The following SPAG16 variants were observed in gnomAD, a reference collection of about 807,000 sequenced individuals.
SPAG16 encodes the protein sperm associated antigen 16, also known as sperm-associated antigen 16 protein.
In SPAG16, 86 loss-of-function variants were observed where a neutral mutation model predicts 80.4. The ratio of observed to expected loss-of-function variants is 1.07; its 90% confidence interval spans 0.90 to 1.28. SPAG16 has a LOEUF of 1.28. Ranked by LOEUF, SPAG16 falls within the 50% of genes most tolerant of loss-of-function variation. The pLI, the probability that SPAG16 is intolerant of heterozygous loss-of-function variation, is 0.00. For missense variants in SPAG16, 870 were observed against 765.3 expected, an observed-to-expected ratio of 1.14 and a Z score of -1.61; for synonymous variants, 294 against 265.9, an observed-to-expected ratio of 1.11 and a Z score of -1.03.
intron 15 of SPAG16, among the ~76,000 whole-genome samples, chr2:214,406,651 T>C (rs1338274275): frequency 6.6e-6 from 1 of 152,144 alleles, no homozygotes; most frequent in Admixed American, 6.5e-5. Flanking sequence ...TGGAACTAAC[T>C]TTGAAAGACC....
intron 9 of SPAG16, among the ~76,000 whole-genome samples, chr2:213,427,564 A>G (rs2070014967): frequency 6.6e-6 from 1 of 152,134 alleles, no homozygotes; most frequent in African/African-American, 2.4e-5. Flanking sequence ...AATACATCTC[A>G]ATAAGAAAGT....
chr2:213,985,799 C>T (rs2045970003), intron 12 of SPAG16, among the ~76,000 whole-genome samples: 1 of 151,964 alleles, frequency 6.6e-6, no homozygotes, highest in Admixed American at 6.6e-5. Flanking sequence ...AATAGAAAGA[C>T]AGACAAGGAA....
At chr2:213,552,839 G>A (rs2076825503) in intron 10 of SPAG16, among the ~76,000 whole-genome samples, 1 of 152,138 alleles carries the variant, frequency 6.6e-6, no homozygotes. Context: ...GACTAGACTG[G>A]CTAAGTCTTC....
intron 12 of SPAG16, among the ~76,000 whole-genome samples, chr2:213,946,373 AGAG>A (rs2079471251): frequency 3.4e-4 from 51 of 152,134 alleles, no homozygotes; most frequent in African/African-American, 9.4e-4. Flanking sequence ...TCGGCCTCCC[AGAG>A]TGCTGGGATT....
intron 15 of SPAG16, among the ~76,000 whole-genome samples, chr2:214,214,093 TTCTA>T (rs2058366553): frequency 6.6e-6 from 1 of 152,132 alleles, no homozygotes; most frequent in South Asian, 2.1e-4. Flanking sequence ...TATTTTTTTA[TTCTA>T]TGGAAACAAT....
At chr2:213,599,868 AT>A (rs1385684222) in intron 10 of SPAG16, among the ~76,000 whole-genome samples, 3 of 151,970 alleles carry the variant, frequency 2.0e-5, no homozygotes, top group Admixed American at 6.6e-5. Flanking sequence ...TGACCGGCTA[AT>A]TTTTGTATTT....
chr2:213,424,364 T>C (rs1294341987), intron 9 of SPAG16, among the ~76,000 whole-genome samples: 2 of 152,168 alleles, frequency 1.3e-5, no homozygotes, highest in Non-Finnish European at 2.9e-5. Flanking sequence ...ATTATAGAGA[T>C]TTGAATATAT....
intron 15 of SPAG16, among the ~76,000 whole-genome samples, chr2:214,203,944 G>A (rs1244239880): frequency 6.6e-6 from 1 of 152,180 alleles, no homozygotes; most frequent in Non-Finnish European, 1.5e-5. Flanking sequence ...CAAGTTCTCA[G>A]CTCTGCCTAC....
At chr2:213,419,120 C>A (rs1174910951) in intron 9 of SPAG16, among the ~76,000 whole-genome samples, 1 of 99,196 alleles carries the variant, frequency 1.0e-5, no homozygotes, top group Non-Finnish European at 2.6e-5. Context: ...ACTCTTAGCT[C>A]CTCTTCTCAC....
At chr2:213,464,833 C>G (rs1475096721) in intron 9 of SPAG16, among the ~76,000 whole-genome samples, 1 of 152,192 alleles carries the variant, frequency 6.6e-6, no homozygotes, top group East Asian at 1.9e-4. Context: ...TAAGAACTTT[C>G]CATTGGCTGG....
intron 11 of SPAG16, among the ~76,000 whole-genome samples, chr2:213,865,270 T>C (rs2075640372): frequency 6.6e-6 from 1 of 152,024 alleles, no homozygotes; most frequent in African/African-American, 2.4e-5. Context: ...AATTATACAA[T>C]CCATAATTTA....
intron 12 of SPAG16, among the ~76,000 whole-genome samples, chr2:213,946,358 C>A (rs2079468626): frequency 3.3e-4 from 50 of 152,176 alleles, no homozygotes; most frequent in African/African-American, 9.2e-4. Flanking sequence ...CGAGATCTAC[C>A]TGCCTCGGCC....
chr2:214,242,638 A>G (rs923596770), intron 15 of SPAG16, among the ~76,000 whole-genome samples: 9 of 152,162 alleles, frequency 5.9e-5, no homozygotes, highest in Admixed American at 5.2e-4. Flanking sequence ...GAATCTCCCT[A>G]ATCATTGGTT....
intron 13 of SPAG16, among the ~76,000 whole-genome samples, chr2:214,096,284 A>C (rs1289011312): frequency 6.6e-6 from 1 of 151,746 alleles, no homozygotes; most frequent in Non-Finnish European, 1.5e-5. Context: ...TAATGCAAAA[A>C]AAAAATGTAG....
chr2:214,007,683 G>T (rs76271161), intron 12 of SPAG16, among the ~76,000 whole-genome samples: 3,800 of 152,194 alleles, frequency 0.025, 159 homozygotes, highest in African/African-American at 0.087. Context: ...CATTATTTCT[G>T]TTAAAATGTC....
intron 15 of SPAG16, among the ~76,000 whole-genome samples, chr2:214,401,406 CTGATA>C (rs1474718801): frequency 1.3e-5 from 2 of 151,822 alleles, no homozygotes; most frequent in African/African-American, 4.8e-5. Flanking sequence ...TTTCTCTTCC[CTGATA>C]TGTTATTTCA....
chr2:213,549,168 T>C (rs1020431005), intron 10 of SPAG16, among the ~76,000 whole-genome samples: 1 of 152,066 alleles, frequency 6.6e-6, no homozygotes, highest in Non-Finnish European at 1.5e-5. Context: ...TTCTTTTCTG[T>C]TTTAAAATGT....
At position 214,379,885 on chromosome 2, in the gene SPAG16, T is replaced by G. The variant is rs138744708; in HGVS notation, c.1721-30255T>G. Among the ~76,000 whole-genome samples the G allele has an allele frequency of 1.2e-3, 189 of 152,314 alleles. 1 individual carries two copies. Among genetic ancestry groups the G allele is most frequent in the African/African-American group, 4.1e-3 (169 of 41,566 alleles). On this transcript the variant is annotated intron_variant, in intron 15 of 15. Coordinates refer to ENST00000331683, the MANE Select transcript of SPAG16 (RefSeq NM_024532.5). Reference sequence around the variant, plus strand: ...TTATCTTTCTGTTTCTGGGAATCCTTTGAGAAACAACACACAAATCACCCC... The same window carrying G: ...TTATCTTTCTGTTTCTGGGAATCCTGTGAGAAACAACACACAAATCACCCC...
At chr2:214,066,946 C>T (rs1244802581) in intron 13 of SPAG16, among the ~76,000 whole-genome samples, 1 of 152,132 alleles carries the variant, frequency 6.6e-6, no homozygotes, top group Admixed American at 6.6e-5. Flanking sequence ...ATTTCCAGAA[C>T]TGTCATCCTT....
Sources: gnomAD v4.1 joint callset for allele counts (sites outside exome capture counted in the v4.1 genomes callset) on GRCh38, gnomAD v4.1.1 for gene constraint, MANE v1.5 for transcripts, NCBI Gene and HGNC (gene_info 2026-07-23, HGNC 2026-07-21) for gene names.